Variants in CCAR1 observed in about 807,000 individuals in gnomAD.
CCAR1 encodes the protein cell division cycle and apoptosis regulator 1.
Under a neutral mutation model 163.8 loss-of-function variants are expected in CCAR1, and 78 were observed. The observed-to-expected ratio is 0.48, with a 90% CI of 0.40 to 0.57. The LOEUF (loss-of-function observed/expected upper bound fraction) is 0.57, where lower values mean the gene tolerates loss of function less well. CCAR1 is among the 20% of genes least tolerant of loss of function. The probability of loss-of-function intolerance (pLI) is 0.00; values close to 1 mark genes in which losing one functional copy is unlikely to be tolerated. For missense variants in CCAR1, 1,019 were observed against 1,365.2 expected (o/e 0.75, Z 4.00); for synonymous variants, 443 against 460.7 (o/e 0.96, Z 0.49).
chr10:68,783,023 G>A (rs1469931776), intron 19 of CCAR1, among the ~76,000 whole-genome samples: 1 of 119,912 alleles, frequency 8.3e-6, no homozygotes, highest in Non-Finnish European at 1.7e-5. Flanking sequence ...TTTTTTTTGA[G>A]ACAGGGTTTC....
intron 8 of CCAR1, 24 bp from the exon 9 acceptor site, chr10:68,749,112 G>GT (rs780851087): frequency 1.9e-6 from 3 of 1,613,154 alleles, no homozygotes; most frequent in African/African-American, 1.3e-5. Context: ...CACGCTAAAC[G>GT]TTTTTTTCTT....
At chr10:68,751,934 T>TTTA in intron 10 of CCAR1, among the ~76,000 whole-genome samples, 1 of 148,706 alleles carries the variant, frequency 6.7e-6, no homozygotes, top group Non-Finnish European at 1.5e-5. Context: ...TTTTTTTTTT[T>TTTA]GAGATGGAGT....
intron 17 of CCAR1, among the ~76,000 whole-genome samples, chr10:68,769,562 G>A (rs2133394113): frequency 6.6e-6 from 1 of 152,152 alleles, no homozygotes. Context: ...GGAGGTTGCG[G>A]TGAGCCAAGA....
At chr10:68,786,476 G>A (rs1288480546) in intron 20 of CCAR1, 70 bp from the exon 21 acceptor site, 10 of 1,092,244 alleles carry the variant, frequency 9.2e-6, no homozygotes, top group African/African-American at 1.6e-5. Flanking sequence ...CACAGTCTCC[G>A]TTTCTCACTT....
At chr10:68,757,250 T>C in intron 14 of CCAR1, 44 bp from the exon 15 acceptor site, 1 of 967,594 alleles carries the variant, frequency 1.0e-6, no homozygotes. Context: ...ATTTTTATTT[T>C]AAGGTTTCAT....
chr10:68,746,119 C>T (rs1307455491), intron 6 of CCAR1, among the ~76,000 whole-genome samples: 1 of 151,256 alleles, frequency 6.6e-6, no homozygotes, highest in Non-Finnish European at 1.5e-5. Flanking sequence ...ATCACAGGCT[C>T]CTGCCACCAC....
At position 68,747,171 on chromosome 10, in the gene CCAR1, G is replaced by T; in HGVS notation, c.529G>T (p.Gly177Trp). Residue 177 changes from glycine (G) to tryptophan (W), a missense_variant, in exon 7 of 25, where the codon GGG becomes TGG. Around this residue, in one of 4 missense-constraint regions of CCAR1, gnomAD observed 644 missense variants for 904.4 expected, o/e 0.71. Transcript: ENST00000265872. ...DVFFQLSAVK[G>W]KTPQVGDRVL... The stretch of plus-strand genomic sequence containing the variant: ...TTTTTTTTTTTACAGTGCTGTCAAA[G>T]GGAAAACCCCCCAAGTAGGTGACAG... 1 of 1,570,548 alleles carries T rather than the reference G, an allele frequency of 6.4e-7. No homozygotes were observed. The highest frequency in any genetic ancestry group is 8.6e-7 in the Non-Finnish European group (1 of 1,158,320).
In CCAR1 at chr10:68,737,906, C is replaced by A; in HGVS notation, c.291+17C>A. On this transcript the variant is annotated intron_variant, in intron 4 of 24. Coordinates refer to ENST00000265872, the MANE Select transcript of CCAR1 (RefSeq NM_018237.4). ...CAACAACAGGTTAGTTTATATTTTCCGTGTTAAAAACTGATTTTAAAATAG... is the reference window on the plus strand; with the variant it reads ...CAACAACAGGTTAGTTTATATTTTCAGTGTTAAAAACTGATTTTAAAATAG... 1 of 1,554,400 alleles carries A rather than the reference C, an allele frequency of 6.4e-7. No individual in the cohort carries two copies. The highest frequency in any genetic ancestry group is 8.8e-7 in the Non-Finnish European group (1 of 1,141,602).
At chr10:68,778,394 C>T (rs1389910077) in intron 19 of CCAR1, among the ~76,000 whole-genome samples, 1 of 152,114 alleles carries the variant, frequency 6.6e-6, no homozygotes, top group Non-Finnish European at 1.5e-5. Flanking sequence ...TCCTGGAGAT[C>T]CACCTTCCTT....
chr10:68,738,305 G>C, intron 4 of CCAR1, among the ~76,000 whole-genome samples: 1 of 152,048 alleles, frequency 6.6e-6, no homozygotes, highest in Non-Finnish European at 1.5e-5. Context: ...TCCCAGCTAC[G>C]TGGGAGGCTG....
At chr10:68,732,312 AT>A (rs1004882082) in intron 2 of CCAR1, among the ~76,000 whole-genome samples, 15 of 151,316 alleles carry the variant, frequency 9.9e-5, no homozygotes, top group South Asian at 2.1e-4. Flanking sequence ...TTACATGATA[AT>A]TTTTTTTCTA....
At chr10:68,731,529 T>C (rs889947114) in intron 2 of CCAR1, among the ~76,000 whole-genome samples, 3 of 152,048 alleles carry the variant, frequency 2.0e-5, no homozygotes, top group Admixed American at 2.0e-4. Flanking sequence ...ATGTAAATTA[T>C]CTTCCTATCA....
intron 19 of CCAR1, among the ~76,000 whole-genome samples, chr10:68,785,021 C>A (rs1172643178): frequency 6.6e-6 from 1 of 150,854 alleles, no homozygotes; most frequent in Non-Finnish European, 1.5e-5. Flanking sequence ...GGGTTCACGC[C>A]ATTCTCCTGT....
chr10:68,725,555 G>A (rs952029440), intron 2 of CCAR1, among the ~76,000 whole-genome samples: 11 of 151,418 alleles, frequency 7.3e-5, no homozygotes, highest in African/African-American at 2.7e-4. Context: ...TTTAACTCCT[G>A]TAGATTCAGA....
chr10:68,778,172 T>C (rs1433372813), intron 19 of CCAR1, among the ~76,000 whole-genome samples: 2 of 151,878 alleles, frequency 1.3e-5, no homozygotes, highest in Non-Finnish European at 1.5e-5. Flanking sequence ...GCCGAGATTG[T>C]GCCACTACGT....
chr10:68,742,632 G>A (rs2056197138), intron 6 of CCAR1, 63 bp downstream of exon 6: 1 of 1,317,720 alleles, frequency 7.6e-7, no homozygotes, highest in Non-Finnish European at 1.1e-6. Flanking sequence ...CTGTTTAGTT[G>A]TGGCAGAAAT....
At chr10:68,744,231 A>C (rs1166540506) in intron 6 of CCAR1, among the ~76,000 whole-genome samples, 3 of 152,228 alleles carry the variant, frequency 2.0e-5, no homozygotes, top group Non-Finnish European at 4.4e-5. Flanking sequence ...GGCGGTTCTA[A>C]CAATATTTCT....
At chr10:68,775,508 TTTTTTTG>T (rs1401007155) in intron 19 of CCAR1, among the ~76,000 whole-genome samples, 2 of 149,444 alleles carry the variant, frequency 1.3e-5, no homozygotes, top group African/African-American at 4.9e-5. Flanking sequence ...TTTTTTTTTT[TTTTTTTG>T]TTTTTTGTTT....
chr10:68,737,057 T>G lies in CCAR1; in HGVS notation c.246+9T>G. 6 of 1,597,630 alleles carry G rather than the reference T, an allele frequency of 3.8e-6. No homozygotes were observed. The highest frequency in any genetic ancestry group is 5.1e-6 in the Non-Finnish European group (6 of 1,167,018). On this transcript the variant is annotated intron_variant, in intron 3 of 24. Coordinates refer to ENST00000265872, the MANE Select transcript of CCAR1 (RefSeq NM_018237.4). ...CAGCTGCATTACAACAGGTAAATCT[T>G]TAATATGTCTTATTATTTGATGTAG... is the stretch of plus-strand genomic sequence containing the variant.
Sources: gnomAD v4.1 joint callset for allele counts (sites outside exome capture counted in the v4.1 genomes callset) on GRCh38, gnomAD v4.1.1 for gene constraint, gnomAD v4.1.1 regional missense constraint, MANE v1.5 for transcripts, NCBI Gene and HGNC (gene_info 2026-07-23, HGNC 2026-07-21) for gene names.